SEMA3C: variants seen among roughly 807,000 people sequenced by gnomAD.
SEMA3C encodes semaphorin 3C.
In SEMA3C, 47 loss-of-function variants were observed where a neutral mutation model predicts 89.4. The observed-to-expected ratio is 0.53, with a 90% CI of 0.42 to 0.67. The LOEUF is 0.67. SEMA3C is among the 30% of genes least tolerant of loss of function. SEMA3C has a pLI of 0.00. For missense variants in SEMA3C, 839 were observed against 929.1 expected (o/e 0.90, Z 1.26); for synonymous variants, 310 against 320.2 (o/e 0.97, Z 0.34).
At chr7:80,853,890 A>ATGTGTG (rs1562906683) in intron 2 of SEMA3C, among the ~76,000 whole-genome samples, 1 of 147,730 alleles carries the variant, frequency 6.8e-6, no homozygotes, top group African/African-American at 2.6e-5. Context: ...TACCCCATAT[A>ATGTGTG]TATGTGTGTG....
intron 2 of SEMA3C, among the ~76,000 whole-genome samples, chr7:80,913,909 T>C (rs1051787163): frequency 1.3e-5 from 2 of 152,144 alleles, no homozygotes; most frequent in African/African-American, 2.4e-5. Flanking sequence ...CACCTTGAAA[T>C]TGCCTATGAT....
rs547176026 is a variant in SEMA3C at position 80,782,319 on chromosome 7, T to G, written c.1354+6987A>C. On this transcript the variant is annotated intron_variant, in intron 12 of 17. Transcript: ENST00000265361. ...TCTTCTCTGTCACCTTGTTCAAGATTAATCTTGTTCACATGTAAGACTTGG... is the reference window on the plus strand; with the variant it reads ...TCTTCTCTGTCACCTTGTTCAAGATGAATCTTGTTCACATGTAAGACTTGG... Among the ~76,000 whole-genome samples, 3 of 152,306 alleles carry G rather than the reference T, an allele frequency of 2.0e-5. No homozygotes were observed. The East Asian group carries it at 5.8e-4, about 29-fold the overall frequency.
intron 2 of SEMA3C, among the ~76,000 whole-genome samples, chr7:80,851,539 A>G (rs1177965363): frequency 6.9e-6 from 1 of 144,414 alleles, no homozygotes; most frequent in Non-Finnish European, 1.5e-5. Context: ...AAAGACATTC[A>G]TAGTTTCTAA....
In SEMA3C at chr7:80,810,701, C is replaced by T. The variant is rs1789448505; in HGVS notation, c.448G>A (p.Asp150Asn). 9 of 1,611,652 alleles carry T rather than the reference C, an allele frequency of 5.6e-6. No individual in the cohort carries two copies. Among genetic ancestry groups the T allele is most frequent in the Non-Finnish European group, 7.6e-6 (9 of 1,178,278 alleles). The stretch of plus-strand genomic sequence containing the variant: ...TTGGAGTCAATCATGAAAACTTGGT[C>T]CTTTATTGTAGATAAAATTTAAAAT... ...TYLNRGRRSEDQVFMIDSKCE... is the reference protein window; with the variant it reads ...TYLNRGRRSENQVFMIDSKCE... Residue 150 changes from aspartate (D) to asparagine (N), a missense_variant and splice_region_variant, in exon 6 of 18, where the codon GAC (aspartate) becomes AAC (asparagine). Asp to Asn is a conservative substitution (Grantham distance 23). Coordinates refer to ENST00000265361, the MANE Select transcript of SEMA3C (RefSeq NM_006379.5).
Position 80,758,486 on chromosome 7 carries a change from T to C in SEMA3C, c.1488A>G (p.Gln496=), listed in dbSNP as rs370264056. Residue 496 remains glutamine (Q), a splice_region_variant and synonymous_variant, in exon 15 of 18, where the codon CAA becomes CAG. Transcript: ENST00000265361. The part of the protein sequence containing the change: ...ITTMKISSKK[Q]QLYVSSNEGV... ...CTTCATTGGAACTCACATACAACTG[T>C]TGCTATTAAAGGAATGATGATGATT... is the stretch of plus-strand genomic sequence containing the variant. 5 of 1,613,120 alleles carry C rather than the reference T, an allele frequency of 3.1e-6. No homozygotes were observed. In the African/African-American group the frequency reaches 4.0e-5, roughly 13 times the overall value.
intron 12 of SEMA3C, among the ~76,000 whole-genome samples, chr7:80,779,839 C>T (rs1445570767): frequency 6.6e-6 from 1 of 152,136 alleles, no homozygotes; most frequent in African/African-American, 2.4e-5. Flanking sequence ...AAGTGAGAGA[C>T]TCTACTAGCC....
intron 12 of SEMA3C, among the ~76,000 whole-genome samples, chr7:80,778,337 T>C (rs552564966): frequency 6.6e-6 from 1 of 152,324 alleles, no homozygotes; most frequent in South Asian, 2.1e-4. Flanking sequence ...TGTAAGTTTT[T>C]ACTGATCCTA....
intron 2 of SEMA3C, among the ~76,000 whole-genome samples, chr7:80,894,569 G>C (rs1791690075): frequency 6.6e-6 from 1 of 152,094 alleles, no homozygotes; most frequent in Non-Finnish European, 1.5e-5. Flanking sequence ...ATTAGCACTG[G>C]GGGTTTGAAG....
intron 2 of SEMA3C, among the ~76,000 whole-genome samples, chr7:80,863,314 G>C (rs1404098486): frequency 6.7e-6 from 1 of 149,562 alleles, no homozygotes; most frequent in African/African-American, 2.5e-5. Flanking sequence ...CCTTACTCCT[G>C]CAAGAATGGC....
rs1441067372 is a variant in SEMA3C, at chr7:80,744,539, C to T, written c.*355G>A. ...TCACTGACAATTAGAATTCTAAAGC[C>T]CCAAAGCAGGAAAGGAATACCACAG... is the stretch of plus-strand genomic sequence containing the variant. On this transcript the variant is annotated 3_prime_UTR_variant, in exon 18 of 18. Transcript: ENST00000265361. 4.4e-6 allele frequency: 1 copy of T among 228,642 alleles called. No individual in the cohort carries two copies. The highest frequency in any genetic ancestry group is 7.5e-5 in the South Asian group (1 of 13,308). The allele number at this position is 228,642 out of a possible 1,614,324, so 14.2% of individuals were successfully genotyped here.
intron 16 of SEMA3C, among the ~76,000 whole-genome samples, chr7:80,749,452 T>C (rs1463997913): frequency 1.3e-5 from 2 of 152,150 alleles, no homozygotes; most frequent in Non-Finnish European, 2.9e-5. Flanking sequence ...GTTTATCCCA[T>C]TCCTAAAGTC....
intron 2 of SEMA3C, among the ~76,000 whole-genome samples, chr7:80,875,021 T>G (rs1791167501): frequency 6.6e-6 from 1 of 151,740 alleles, no homozygotes; most frequent in Non-Finnish European, 1.5e-5. Context: ...GAGGCGGAGC[T>G]TGCAGTGAGC....
At chr7:80,762,585 G>C (rs574311939) in intron 13 of SEMA3C, among the ~76,000 whole-genome samples, 1 of 152,260 alleles carries the variant, frequency 6.6e-6, no homozygotes, top group East Asian at 1.9e-4. Context: ...TTGGGAGGCT[G>C]AGGCGGGCGG....
At chr7:80,833,723 C>T (rs1009437180) in intron 2 of SEMA3C, among the ~76,000 whole-genome samples, 2 of 151,726 alleles carry the variant, frequency 1.3e-5, no homozygotes, top group African/African-American at 2.4e-5. Context: ...ATTTAAATTG[C>T]TGTTAGTAGT....
intron 2 of SEMA3C, among the ~76,000 whole-genome samples, chr7:80,861,676 G>T (rs1022054666): frequency 3.3e-5 from 5 of 152,122 alleles, no homozygotes; most frequent in African/African-American, 1.2e-4. Context: ...TTATTTCAAA[G>T]AATATTTTTG....
At chr7:80,889,466 T>C (rs1475454358) in intron 2 of SEMA3C, among the ~76,000 whole-genome samples, 1 of 152,178 alleles carries the variant, frequency 6.6e-6, no homozygotes. Flanking sequence ...ATCCTCTTTG[T>C]TGTATTACAA....
chr7:80,856,436 G>A (rs1295019368), intron 2 of SEMA3C, among the ~76,000 whole-genome samples: 1 of 149,340 alleles, frequency 6.7e-6, no homozygotes, highest in Non-Finnish European at 1.5e-5. Flanking sequence ...ATTAGCACAA[G>A]CAGAGAAAGG....
chr7:80,858,635 C>T (rs1345258423), intron 2 of SEMA3C, among the ~76,000 whole-genome samples: 1 of 152,064 alleles, frequency 6.6e-6, no homozygotes, highest in Non-Finnish European at 1.5e-5. Flanking sequence ...CACACATGCT[C>T]AAATGAGAGT....
intron 2 of SEMA3C, among the ~76,000 whole-genome samples, chr7:80,903,269 C>T (rs1041628548): frequency 3.3e-5 from 5 of 152,140 alleles, no homozygotes; most frequent in Admixed American, 6.5e-5. Flanking sequence ...CTGTACAGCA[C>T]GTTACTGTAC....
Sources: gnomAD v4.1 joint callset for allele counts (sites outside exome capture counted in the v4.1 genomes callset) on GRCh38, gnomAD v4.1.1 for gene constraint, MANE v1.5 for transcripts, NCBI Gene and HGNC (gene_info 2026-07-23, HGNC 2026-07-21) for gene names.